Variants in BPHL observed in about 807,000 individuals in gnomAD.
BPHL encodes the protein serine hydrolase BPHL.
Under a neutral mutation model 31.2 loss-of-function variants are expected in BPHL, and 27 were observed. That is an observed-to-expected ratio of 0.87 (90% CI 0.64 to 1.19). BPHL has a LOEUF of 1.19. Among genes scored for constraint, BPHL ranks in the 50% most tolerant of loss-of-function variants. BPHL has a pLI of 0.00. For synonymous variants in BPHL, 150 were observed against 146.8 expected, an observed-to-expected ratio of 1.02 and a Z score of -0.16; for missense variants, 356 against 375.7, an observed-to-expected ratio of 0.95 and a Z score of 0.43.
chr6:3,136,266 C>G (rs1762016196), intron 4 of BPHL, among the ~76,000 whole-genome samples: 1 of 152,196 alleles, frequency 6.6e-6, no homozygotes, highest in South Asian at 2.1e-4. Flanking sequence ...CTCCCTTACC[C>G]TCCGCCCCCA....
chr6:3,143,780 A>G (rs993214939), intron 6 of BPHL, among the ~76,000 whole-genome samples: 3 of 152,396 alleles, frequency 2.0e-5, no homozygotes, highest in Middle Eastern at 3.4e-3. Context: ...AAGCATATCA[A>G]TATGAGGGGT....
intron 6 of BPHL, among the ~76,000 whole-genome samples, chr6:3,145,537 TTCCGG>T (rs1762315965): frequency 2.7e-5 from 2 of 75,006 alleles, no homozygotes; most frequent in African/African-American, 9.4e-5. Context: ...GGAGTGCTGG[TTCCGG>T]TTGGAGTGCT....
chr6:3,122,747 A>G (rs1761610988), intron 1 of BPHL, among the ~76,000 whole-genome samples: 1 of 152,162 alleles, frequency 6.6e-6, no homozygotes, highest in Non-Finnish European at 1.5e-5. Flanking sequence ...GTTGACACAG[A>G]CATATTTTAA....
At chr6:3,134,153 T>G (rs1455560770) in intron 4 of BPHL, among the ~76,000 whole-genome samples, 1 of 152,196 alleles carries the variant, frequency 6.6e-6, no homozygotes, top group Non-Finnish European at 1.5e-5. Flanking sequence ...AAGTTTTTTG[T>G]TATGTAATAA....
intron 6 of BPHL, among the ~76,000 whole-genome samples, chr6:3,142,141 A>G (rs1373342737): frequency 6.6e-6 from 1 of 151,072 alleles, no homozygotes; most frequent in East Asian, 1.9e-4. Context: ...TTTTTGAGGC[A>G]CAGTTTCACT....
chr6:3,151,199 G>A (rs1345411660), intron 6 of BPHL, among the ~76,000 whole-genome samples: 2 of 152,042 alleles, frequency 1.3e-5, no homozygotes, highest in Admixed American at 6.6e-5. Flanking sequence ...CTATGACCTC[G>A]CAGCATCCTT....
chr6:3,133,630 G>A (rs1761933019), intron 4 of BPHL, among the ~76,000 whole-genome samples: 1 of 151,932 alleles, frequency 6.6e-6, no homozygotes, highest in Admixed American at 6.6e-5. Context: ...CCTTGTGTGG[G>A]CCCTTCCCGC....
chr6:3,127,283 A>G lies in BPHL; in HGVS notation c.253A>G (p.Asn85Asp). 1.3e-6 allele frequency: 2 copies of G among 1,593,224 alleles called. No homozygotes were observed. The highest frequency in any genetic ancestry group is 1.7e-6 in the Non-Finnish European group (2 of 1,167,460). Residue 85 changes from asparagine (N) to aspartate (D), a missense_variant, in exon 3 of 7, where the codon AAT becomes GAT. Physicochemically the swap from Asn to Asp is conservative, Grantham distance 23 (BLOSUM62 1). Transcript: ENST00000380379. ...TDFGPQLKNL[N>D]KKLFTVVAWD... Reference sequence around the variant, plus strand: ...TTTTGGACCTCAGCTCAAGAACCTCAATAAGAAGCTCTTCACGGTGGTCGC... The same window carrying G: ...TTTTGGACCTCAGCTCAAGAACCTCGATAAGAAGCTCTTCACGGTGGTCGC...
rs1046097003 is a variant in BPHL, at chr6:3,152,759, G to T, written c.*184G>T. 1 of 528,506 alleles carries T rather than the reference G, an allele frequency of 1.9e-6. No homozygotes were observed. The highest frequency in any genetic ancestry group is 3.8e-5 in the Admixed American group (1 of 26,314). 32.7% of individuals were successfully genotyped at this position (528,506 alleles called of 1,614,324 possible). A position where few individuals can be genotyped will look rare whatever the true frequency, so the allele number is the denominator to read the frequency against. On this transcript the variant is annotated 3_prime_UTR_variant, in exon 7 of 7. Transcript: ENST00000380379. ...CTCTAGCTTCAGGCTGGGCACGGTG[G>T]CTCACAGCTATAATCTCAGCACTTT...
intron 1 of BPHL, chr6:3,119,264 C>T (rs756365439): frequency 1.3e-6 from 2 of 1,533,400 alleles, no homozygotes; most frequent in South Asian, 2.4e-5. Context: ...GGACAATAAT[C>T]TCTTCTTTCT....
intron 6 of BPHL, among the ~76,000 whole-genome samples, chr6:3,151,018 C>G (rs3799220): frequency 0.084 from 12,844 of 152,186 alleles, 788 homozygotes; most frequent in African/African-American, 0.17. Flanking sequence ...TAAAAAGAAA[C>G]GATTCACAGC....
Position 3,149,744 on chromosome 6 carries a change from C to T in BPHL, c.789-2744C>T, listed in dbSNP as rs1298147304. 1.3e-5 allele frequency among the ~76,000 whole-genome samples: 2 copies of T among 152,286 alleles called. No individual in the cohort carries two copies. The highest frequency in any genetic ancestry group is 2.1e-4 in the South Asian group (1 of 4,830). On this transcript the variant is annotated intron_variant, in intron 6 of 6. Transcript: ENST00000380379. This position sits in a 1 kb window ranked among gnomAD's most constrained non-coding sequence, Gnocchi z 4.6. Reference sequence around the variant, plus strand: ...GCCTACTGGGTTCAAGTGATTCTGCCTCAGCCTCCCGAGTAGCTGGGATTA... The same window carrying T: ...GCCTACTGGGTTCAAGTGATTCTGCTTCAGCCTCCCGAGTAGCTGGGATTA...
At chr6:3,152,419 G>A (rs1285601241) in intron 6 of BPHL, 69 bp from the exon 7 acceptor site, 2 of 1,312,070 alleles carry the variant, frequency 1.5e-6, no homozygotes, top group African/African-American at 3.0e-5. Context: ...GTGAAATGTT[G>A]GGGAGAGTGA....
In BPHL at chr6:3,153,367, C is replaced by G. The variant is rs1581495619; in HGVS notation, c.*792C>G. 1 of 189,866 alleles carries G rather than the reference C, an allele frequency of 5.3e-6. No individual in the cohort carries two copies. Among genetic ancestry groups the G allele is most frequent in the East Asian group, 1.3e-4 (1 of 7,560 alleles). The allele number at this position is 189,866 out of a possible 1,614,324, so 11.8% of individuals were successfully genotyped here. ...CCTCAATTCTAAGATCAGAGGATGT[C>G]CAGAACAGCAGCAGATAGGGGCAGG... is the stretch of plus-strand genomic sequence containing the variant. On this transcript the variant is annotated 3_prime_UTR_variant, in exon 7 of 7. Transcript: ENST00000380379.
chr6:3,144,365 C>A (rs1316919433), intron 6 of BPHL, among the ~76,000 whole-genome samples: 3 of 136,804 alleles, frequency 2.2e-5, no homozygotes, highest in Non-Finnish European at 4.7e-5. Context: ...CTGCACTTGG[C>A]CTTCTTCTTT....
rs1036513296 is a variant in BPHL at position 3,149,649 on chromosome 6, G to A, written c.789-2839G>A. 6.6e-6 allele frequency among the ~76,000 whole-genome samples: 1 copy of A among 152,124 alleles called. No homozygotes were observed. Among genetic ancestry groups the A allele is most frequent in the African/African-American group, 2.4e-5 (1 of 41,420 alleles). On this transcript the variant is annotated intron_variant, in intron 6 of 6. Coordinates refer to ENST00000380379, the MANE Select transcript of BPHL (RefSeq NM_004332.4). The surrounding 1 kb of genome is among the most constrained non-coding windows in gnomAD (Gnocchi z 4.6). ...CTTTTTGTTTGTTTGTTTGTTTGTT[G>A]TGAGATAGAGCCTTGCTCTATTGCC...
At position 3,121,252 on chromosome 6, in the gene BPHL, A is replaced by G. The variant is rs1380005147; in HGVS notation, c.107+2405A>G. Among the ~76,000 whole-genome samples the G allele has an allele frequency of 4.0e-5, 6 of 151,884 alleles. No homozygotes were observed. The East Asian group carries it at 1.2e-3, about 29-fold the overall frequency. ...ATGGCTACTTCACAAAACATACACAAAAGAAATAGCTGAACATACAATATG... is the reference window on the plus strand; with the variant it reads ...ATGGCTACTTCACAAAACATACACAGAAGAAATAGCTGAACATACAATATG... On this transcript the variant is annotated intron_variant, in intron 1 of 6. Coordinates refer to ENST00000380379, the MANE Select transcript of BPHL (RefSeq NM_004332.4).
chr6:3,118,436 G>A (rs1581453968), upstream of BPHL: 22 of 273,024 alleles, frequency 8.1e-5, no homozygotes, highest in East Asian at 1.4e-3. Flanking sequence ...GGTCGCTGAG[G>A]CGACGAGCGA....
At chr6:3,145,263 G>A (rs1187497886) in intron 6 of BPHL, among the ~76,000 whole-genome samples, 6 of 48,430 alleles carry the variant, frequency 1.2e-4, no homozygotes, top group Admixed American at 9.7e-4. Context: ...GGGGTGGAGT[G>A]CTGGTGTGGG....
Sources: gnomAD v4.1 joint callset for allele counts (sites outside exome capture counted in the v4.1 genomes callset) on GRCh38, gnomAD v4.1.1 for gene constraint, Gnocchi (gnomAD v3.1) non-coding constraint, MANE v1.5 for transcripts, NCBI Gene and HGNC (gene_info 2026-07-23, HGNC 2026-07-21) for gene names.